Variants in ZBTB34 observed in about 807,000 individuals in gnomAD.
The protein encoded by ZBTB34 is zinc finger and BTB domain containing 34, also known as zinc finger and BTB domain-containing protein 34.
A neutral mutation model predicts 33.4 loss-of-function variants in ZBTB34; 1 was observed. The observed-to-expected ratio is 0.03, with a 90% CI of 0.01 to 0.14. ZBTB34 has a LOEUF of 0.14. ZBTB34 is among the 10% of genes least tolerant of loss of function. The pLI is 1.00. For synonymous variants in ZBTB34, 283 were observed against 253.5 expected, an observed-to-expected ratio of 1.12 and a Z score of -1.11; for missense variants, 406 against 657.2, an observed-to-expected ratio of 0.62 and a Z score of 4.18.
chr9:126,862,066 GTGCTGTAGA>G (rs1489980781), intron 1 of ZBTB34, among the ~76,000 whole-genome samples: 7 of 152,212 alleles, frequency 4.6e-5, no homozygotes, highest in African/African-American at 1.7e-4. Context: ...ACAAGGCTGT[GTGCTGTAGA>G]ATTAAGAAGG....
chr9:126,870,644 C>T (rs969553890), intron 1 of ZBTB34, among the ~76,000 whole-genome samples: 2 of 152,134 alleles, frequency 1.3e-5, no homozygotes, highest in African/African-American at 4.8e-5. Context: ...TAAACAAATG[C>T]AGCCGGGCGC....
At chr9:126,864,284 G>A (rs1180344457) in intron 1 of ZBTB34, among the ~76,000 whole-genome samples, 1 of 152,176 alleles carries the variant, frequency 6.6e-6, no homozygotes, top group East Asian at 1.9e-4. Context: ...GTAGAATGGG[G>A]ATAACTGCAG....
At chr9:126,862,412 GGCCTCTTGCCT>G (rs1426743112) in intron 1 of ZBTB34, among the ~76,000 whole-genome samples, 1 of 152,102 alleles carries the variant, frequency 6.6e-6, no homozygotes, top group Non-Finnish European at 1.5e-5. Flanking sequence ...GCTGAGTAGT[GGCCTCTTGCCT>G]GCCACGGTAT....
rs201410093 is a variant in ZBTB34 at position 126,880,152 on chromosome 9, C to A, written c.753C>A (p.Ser251=). 9 of 1,613,620 alleles carry A rather than the reference C, an allele frequency of 5.6e-6. No individual in the cohort carries two copies. Among genetic ancestry groups the A allele is most frequent in the Non-Finnish European group, 6.8e-6 (8 of 1,179,896 alleles). The stretch of plus-strand genomic sequence containing the variant: ...AGAAGTCCGACCGGCCCAGCTGTTC[C>A]GACAGCTCCTCCCTGGGTGACGATG... Residue 251 remains serine (S), a synonymous_variant, in exon 2 of 2, where the codon TCC becomes TCA. Coordinates refer to ENST00000319119, the Ensembl canonical transcript of ZBTB34. This position sits in a 1 kb window ranked among gnomAD's most constrained non-coding sequence, Gnocchi z 6.7.
Position 126,880,060 on chromosome 9 carries a change from G to A in ZBTB34, c.661G>A (p.Gly221Arg), listed in dbSNP as rs375194350. 1.9e-6 allele frequency: 3 copies of A among 1,613,572 alleles called. No homozygotes were observed. Among genetic ancestry groups the A allele is most frequent in the Non-Finnish European group, 2.5e-6 (3 of 1,179,894 alleles). ...TTCTGAATATGAGATTCAGATAGAGGGAGACCATGAGCAAGGAGACCTATT... is the reference window on the plus strand; with the variant it reads ...TTCTGAATATGAGATTCAGATAGAGAGAGACCATGAGCAAGGAGACCTATT... The change falls in exon 2 of 2, where the codon GGA (glycine) becomes AGA (arginine). Residue 221 changes from glycine (G) to arginine (R), a missense_variant. Physicochemically the swap from Gly to Arg is moderately radical, Grantham distance 125. Around this residue, in one of 6 missense-constraint regions of ZBTB34, gnomAD observed 137 missense variants for 173.0 expected, o/e 0.79. Coordinates refer to ENST00000319119, the Ensembl canonical transcript of ZBTB34. This position sits in a 1 kb window ranked among gnomAD's most constrained non-coding sequence, Gnocchi z 6.7.
chr9:126,882,674 A>G (rs2033458833), exon 2 of ZBTB34: 1 of 167,118 alleles, frequency 6.0e-6, no homozygotes, highest in Non-Finnish European at 1.5e-5. Context: ...AGCCACCTAA[A>G]AGAAAAACGA....
intron 1 of ZBTB34, among the ~76,000 whole-genome samples, chr9:126,873,601 A>AT (rs902009723): frequency 6.7e-6 from 1 of 149,300 alleles, no homozygotes; most frequent in Non-Finnish European, 1.5e-5. Flanking sequence ...GTTGTTAAGC[A>AT]TTTTTTTTCT....
At chr9:126,871,299 A>G (rs2033275663) in intron 1 of ZBTB34, among the ~76,000 whole-genome samples, 1 of 151,672 alleles carries the variant, frequency 6.6e-6, no homozygotes, top group Non-Finnish European at 1.5e-5. Flanking sequence ...ATAGCCATCC[A>G]TGGAATACTA....
At chr9:126,875,498 A>G (rs1354944919) in intron 1 of ZBTB34, among the ~76,000 whole-genome samples, 1 of 152,098 alleles carries the variant, frequency 6.6e-6, no homozygotes, top group East Asian at 1.9e-4. Context: ...CTTCATTTAT[A>G]CAGGCTTTTG....
chr9:126,883,149 G>T (rs553604929), exon 2 of ZBTB34: 1 of 166,262 alleles, frequency 6.0e-6, no homozygotes, highest in Non-Finnish European at 1.5e-5. Context: ...GGGGTTTCAG[G>T]TAAATGTTTG....
exon 2 of ZBTB34, chr9:126,885,146 G>C (rs149512025): frequency 6.0e-6 from 1 of 167,018 alleles, no homozygotes; most frequent in African/African-American, 2.4e-5. Context: ...TGTCACATGC[G>C]TCTTTTTCAG....
intron 1 of ZBTB34, among the ~76,000 whole-genome samples, chr9:126,871,371 T>TC (rs2033277204): frequency 6.6e-6 from 1 of 151,184 alleles, no homozygotes. Context: ...TTTTTCTTTT[T>TC]TTTTTTTTTT....
chr9:126,867,232 C>G (rs182498301), intron 1 of ZBTB34, among the ~76,000 whole-genome samples: 1 of 151,078 alleles, frequency 6.6e-6, no homozygotes, highest in Admixed American at 6.6e-5. Flanking sequence ...CTTAATTCCT[C>G]CCCGTTACTT....
At chr9:126,862,827 A>C (rs1237346607) in intron 1 of ZBTB34, among the ~76,000 whole-genome samples, 3 of 151,872 alleles carry the variant, frequency 2.0e-5, no homozygotes, top group Non-Finnish European at 1.5e-5. Flanking sequence ...TATAGTATCT[A>C]ATACTGGGGC....
intron 1 of ZBTB34, among the ~76,000 whole-genome samples, chr9:126,874,536 G>A (rs1390430008): frequency 1.3e-5 from 2 of 152,196 alleles, no homozygotes. Context: ...ATGCTGTGAA[G>A]AAGGATCTAA....
intron 1 of ZBTB34, among the ~76,000 whole-genome samples, chr9:126,865,830 C>G (rs558363114): frequency 6.6e-6 from 1 of 152,210 alleles, no homozygotes; most frequent in African/African-American, 2.4e-5. Flanking sequence ...ACTAAAAACA[C>G]AAAAATTAGC....
chr9:126,873,534 G>T (rs539568495), intron 1 of ZBTB34, among the ~76,000 whole-genome samples: 1 of 152,158 alleles, frequency 6.6e-6, no homozygotes, highest in African/African-American at 2.4e-5. Context: ...AAAGTGCTGG[G>T]ATTACAGGCA....
chr9:126,863,492 C>T (rs1403321509), intron 1 of ZBTB34, among the ~76,000 whole-genome samples: 1 of 152,190 alleles, frequency 6.6e-6, no homozygotes, highest in Non-Finnish European at 1.5e-5. Flanking sequence ...TACCATGAAT[C>T]TAGTTACGTT....
At chr9:126,866,867 CCCACAGTGA>C (rs1410407680) in intron 1 of ZBTB34, among the ~76,000 whole-genome samples, 1 of 152,122 alleles carries the variant, frequency 6.6e-6, no homozygotes, top group East Asian at 1.9e-4. Flanking sequence ...TTAGTCCTTC[CCCACAGTGA>C]CCACCATTAA....
Sources: allele counts gnomAD v4.1 joint callset (sites outside exome capture counted in the v4.1 genomes callset), GRCh38; gene constraint gnomAD v4.1.1; regional missense constraint gnomAD v4.1.1; non-coding constraint Gnocchi (gnomAD v3.1); transcripts MANE v1.5; gene names NCBI Gene and HGNC (gene_info 2026-07-23, HGNC 2026-07-21).